CELF1: variants seen among roughly 807,000 people sequenced by gnomAD.
CELF1 encodes 50 kDa nuclear polyadenylated RNA-binding protein.
CELF1 carries 10 observed loss-of-function variants against 61.8 expected under a neutral mutation model. The ratio of observed to expected loss-of-function variants is 0.16; its 90% CI spans 0.10 to 0.27. The LOEUF (loss-of-function observed/expected upper bound fraction) is 0.27. CELF1 is among the 10% of genes least tolerant of loss of function. CELF1 has a pLI of 1.00. For missense variants in CELF1, 380 were observed against 639.1 expected, an observed-to-expected ratio of 0.59 and a Z score of 4.37; for synonymous variants, 236 against 225.1, an observed-to-expected ratio of 1.05 and a Z score of -0.43.
Position 47,478,773 on chromosome 11 carries a change from CA to C in CELF1, c.844+103del, listed in dbSNP as rs2081373476. 2.2e-5 allele frequency: 20 copies of C among 920,446 alleles called. No homozygotes were observed. The East Asian group carries it at 2.2e-4, about 10-fold the overall frequency. The allele number at this position is 920,446 out of a possible 1,614,324, so 57.0% of individuals were successfully genotyped here. On this transcript the variant is annotated intron_variant, in intron 10 of 14. Transcript: ENST00000687097. ...TCCTAGGTCAGGTTTACATAATAAG[CA>C]AAAAAATGTTTTCACAGAAACGATG...
At chr11:47,561,516 A>T (rs1391653672) in intron 2 of CELF1, among the ~76,000 whole-genome samples, 1 of 151,932 alleles carries the variant, frequency 6.6e-6, no homozygotes, top group Non-Finnish European at 1.5e-5. Flanking sequence ...ATAATGAAAG[A>T]CAGATAATAA....
chr11:47,491,007 G>A (rs1188946485), intron 3 of CELF1, among the ~76,000 whole-genome samples: 2 of 149,496 alleles, frequency 1.3e-5, no homozygotes, highest in African/African-American at 2.5e-5. Flanking sequence ...GATTACAGGC[G>A]CGTGTCACCA....
chr11:47,472,639 T>TG (rs1389180509), intron 14 of CELF1, among the ~76,000 whole-genome samples: 1 of 152,128 alleles, frequency 6.6e-6, no homozygotes, highest in Non-Finnish European at 1.5e-5. Context: ...ACTGCAACCT[T>TG]GGCCTCCTGG....
In CELF1 at chr11:47,488,937, G is replaced by A. The variant is rs1341509033; in HGVS notation, c.159C>T (p.Thr53=). Residue 53 remains threonine, a synonymous_variant, in exon 4 of 15, where the codon ACC becomes ACT. Coordinates refer to ENST00000687097, the MANE Select transcript of CELF1 (RefSeq NM_001376376.1). Reference sequence around the variant, plus strand: ...GTTCCCGCAAGTCCTTTTCAGACCAGGTCCTTGGAACCTGGCCCACAAACA... The same window carrying A: ...GTTCCCGCAAGTCCTTTTCAGACCAAGTCCTTGGAACCTGGCCCACAAACA... ...IKMFVGQVPR[T]WSEKDLRELF... The A allele has an allele frequency of 6.2e-7, 1 of 1,612,784 alleles. No individual in the cohort carries two copies. The highest frequency in any genetic ancestry group is 8.5e-7 in the Non-Finnish European group (1 of 1,179,562).
intron 3 of CELF1, among the ~76,000 whole-genome samples, chr11:47,493,655 T>C (rs1352432934): frequency 1.3e-5 from 2 of 151,320 alleles, no homozygotes; most frequent in African/African-American, 4.9e-5. Flanking sequence ...CTAGTAATAA[T>C]AAATGTAAAA....
intron 1 of CELF1, among the ~76,000 whole-genome samples, chr11:47,509,302 C>T (rs1336138059): frequency 6.6e-6 from 1 of 152,154 alleles, no homozygotes; most frequent in Non-Finnish European, 1.5e-5. Context: ...TGGAACTCCA[C>T]GGATGTCTGT....
chr11:47,552,879 G>A (rs1277310686), intron 1 of CELF1, 113 bp downstream of exon 1: 3 of 395,832 alleles, frequency 7.6e-6, no homozygotes, highest in Non-Finnish European at 8.9e-6. Context: ...CGCGCCCGGA[G>A]GGCCCTGTGA....
chr11:47,533,855 GAC>G (rs1222338046), intron 1 of CELF1, among the ~76,000 whole-genome samples: 2 of 147,188 alleles, frequency 1.4e-5, no homozygotes, highest in Non-Finnish European at 3.0e-5. Flanking sequence ...CTATTTTAGT[GAC>G]ACTCTGTTGC....
chr11:47,550,963 C>T (rs939520640), intron 1 of CELF1, among the ~76,000 whole-genome samples: 7 of 151,722 alleles, frequency 4.6e-5, no homozygotes, highest in African/African-American at 1.7e-4. Flanking sequence ...AGGCCTAGTT[C>T]TAACTTCAAT....
chr11:47,471,436 T>C lies in CELF1; in HGVS notation c.*794A>G, dbSNP rs923698982. 1.3e-5 allele frequency: 2 copies of C among 152,182 alleles called. No individual in the cohort carries two copies. The highest frequency in any genetic ancestry group is 2.9e-5 in the Non-Finnish European group (2 of 68,042). 9.4% of individuals were successfully genotyped at this position (152,182 alleles called of 1,614,324 possible). A position where few individuals can be genotyped will look rare whatever the true frequency, so the allele number is the denominator to read the frequency against. ...AAATAAACTAACCTCTTTGGCTGTT[T>C]CTCCCAAACTGCCACCAGCCAGGCA... is the stretch of plus-strand genomic sequence containing the variant. On this transcript the variant is annotated 3_prime_UTR_variant, in exon 15 of 15. Coordinates refer to ENST00000687097, the MANE Select transcript of CELF1 (RefSeq NM_001376376.1).
In CELF1 at chr11:47,519,070, T is replaced by C. The variant is rs148894095; in HGVS notation, c.-153-18138A>G. Among the ~76,000 whole-genome samples the C allele has an allele frequency of 1.9e-3, 290 of 152,358 alleles. 1 individual carries two copies. Among genetic ancestry groups the C allele is most frequent in the Middle Eastern group, 0.014 (4 of 294 alleles). ...GACACTTCCTGAGACAGTTAGGTTA[T>C]AGGCCAGAAAATGCAAATTTTGTAC... On this transcript the variant is annotated intron_variant, in intron 1 of 14. Transcript: ENST00000687097.
intron 1 of CELF1, among the ~76,000 whole-genome samples, chr11:47,544,939 G>A (rs1205047725): frequency 6.6e-6 from 1 of 152,036 alleles, no homozygotes. Flanking sequence ...TCCAGCCTGG[G>A]TAACAACAGT....
At chr11:47,558,420 T>G (rs1169502451) in intron 2 of CELF1, among the ~76,000 whole-genome samples, 1 of 136,384 alleles carries the variant, frequency 7.3e-6, no homozygotes, top group Non-Finnish European at 1.5e-5. Flanking sequence ...AAGCATTAGA[T>G]GAAACCCTCA....
At chr11:47,474,135 G>A (rs1481054276) in intron 13 of CELF1, among the ~76,000 whole-genome samples, 3 of 152,180 alleles carry the variant, frequency 2.0e-5, no homozygotes, top group African/African-American at 7.2e-5. Context: ...CTGATCTCAT[G>A]ATCTGCCTGC....
Position 47,564,171 on chromosome 11 carries a change from C to CAAAAAA in CELF1, c.-11+174_-11+179dup, listed in dbSNP as rs779009192. On this transcript the variant is annotated intron_variant, in intron 2 of 3. Transcript: ENST00000525841. ...TGAAACCCCATCTCTACTAAAAATACAAAAAAAAAAAAAAAAAAAAAAAGA... is the reference window on the plus strand; with the variant it reads ...TGAAACCCCATCTCTACTAAAAATACAAAAAAAAAAAAAAAAAAAAAAAAAAAAAGA... 7.0e-3 allele frequency among the ~76,000 whole-genome samples: 440 copies of CAAAAAA among 62,790 alleles called. 1 individual carries two copies. Among genetic ancestry groups the CAAAAAA allele is most frequent in the Middle Eastern group, 0.013 (1 of 80 alleles). 41.2% of individuals were successfully genotyped at this position (62,790 alleles called of 152,430 possible).
chr11:47,477,074 C>T, intron 11 of CELF1, 115 bp from the exon 12 acceptor site: 1 of 967,922 alleles, frequency 1.0e-6, no homozygotes. Flanking sequence ...GTTACTAATT[C>T]TAACAACTGT....
At chr11:47,494,522 G>C (rs1358859769) in intron 3 of CELF1, 1 of 978,252 alleles carries the variant, frequency 1.0e-6, no homozygotes, top group African/African-American at 1.8e-5. Flanking sequence ...TTCAAAGTAT[G>C]TATTTGTTCA....
intron 2 of CELF1, among the ~76,000 whole-genome samples, chr11:47,500,313 G>A (rs1271193609): frequency 6.6e-6 from 1 of 152,078 alleles, no homozygotes; most frequent in East Asian, 1.9e-4. Context: ...CCTCATCTGG[G>A]TGAAAGACTT....
At chr11:47,541,111 A>G (rs1323491287) in intron 1 of CELF1, among the ~76,000 whole-genome samples, 3 of 152,234 alleles carry the variant, frequency 2.0e-5, no homozygotes, top group African/African-American at 7.2e-5. Context: ...CACAAAAGCT[A>G]GAAGTACAAA....
Sources: gnomAD v4.1 joint callset for allele counts (sites outside exome capture counted in the v4.1 genomes callset) on GRCh38, gnomAD v4.1.1 for gene constraint, MANE v1.5 for transcripts, NCBI Gene and HGNC (gene_info 2026-07-23, HGNC 2026-07-21) for gene names.